Variants in CDH12 observed in about 807,000 individuals in gnomAD.
CDH12 encodes cadherin 12.
A neutral mutation model predicts 74.1 loss-of-function variants in CDH12; 41 were observed. That is an observed-to-expected ratio of 0.55 (90% CI 0.43 to 0.72). The LOEUF (loss-of-function observed/expected upper bound fraction) is 0.72. Ranked by LOEUF, CDH12 falls within the 30% of genes least tolerant of loss-of-function variation. CDH12 has a pLI of 0.00. For missense variants in CDH12, 945 were observed against 977.2 expected (o/e 0.97, Z 0.44); for synonymous variants, 399 against 355.0 (o/e 1.12, Z -1.39).
intron 6 of CDH12, among the ~76,000 whole-genome samples, chr5:21,863,678 T>C (rs1205727606): frequency 2.0e-5 from 3 of 152,180 alleles, no homozygotes; most frequent in Admixed American, 6.6e-5. Flanking sequence ...TCTGCTGATA[T>C]TGAATTTTCT....
intron 4 of CDH12, among the ~76,000 whole-genome samples, chr5:22,153,903 T>TATAC (rs1478012877): frequency 0.35 from 39,149 of 110,988 alleles, 7,214 homozygotes; most frequent in East Asian, 0.67. Context: ...TATATATATA[T>TATAC]ACACACACAT....
intron 4 of CDH12, among the ~76,000 whole-genome samples, chr5:22,099,306 G>A (rs1743995736): frequency 6.6e-6 from 1 of 152,058 alleles, no homozygotes; most frequent in Non-Finnish European, 1.5e-5. Flanking sequence ...GTATTCAGTG[G>A]AACCTTCATA....
intron 3 of CDH12, among the ~76,000 whole-genome samples, chr5:22,390,947 T>C (rs915272158): frequency 1.3e-5 from 2 of 152,206 alleles, no homozygotes; most frequent in Non-Finnish European, 2.9e-5. Flanking sequence ...TAGTTACTGA[T>C]GAGACAGACT....
At chr5:21,752,949 C>A (rs1291216507) in intron 14 of CDH12, among the ~76,000 whole-genome samples, 1 of 152,148 alleles carries the variant, frequency 6.6e-6, no homozygotes, top group Non-Finnish European at 1.5e-5. Context: ...ATTCAGGTTA[C>A]CTTCATAAAA....
intron 3 of CDH12, among the ~76,000 whole-genome samples, chr5:22,306,062 C>T (rs1461159963): frequency 6.6e-6 from 1 of 152,136 alleles, no homozygotes; most frequent in Non-Finnish European, 1.5e-5. Context: ...ATAATTCTCT[C>T]CCTGTGCCAT....
At chr5:22,456,284 T>TAATA (rs1745271967) in intron 2 of CDH12, among the ~76,000 whole-genome samples, 1 of 150,648 alleles carries the variant, frequency 6.6e-6, no homozygotes, top group South Asian at 2.1e-4. Flanking sequence ...AATCAACTCT[T>TAATA]AATAAAGTCT....
At chr5:22,546,824 C>G (rs766636248) in intron 1 of CDH12, among the ~76,000 whole-genome samples, 11 of 152,092 alleles carry the variant, frequency 7.2e-5, no homozygotes, top group Non-Finnish European at 1.6e-4. Context: ...TCTAGGGCCC[C>G]ATTTAAAATC....
chr5:21,786,360 G>C (rs1192836498), intron 10 of CDH12, among the ~76,000 whole-genome samples: 1 of 152,056 alleles, frequency 6.6e-6, no homozygotes, highest in Non-Finnish European at 1.5e-5. Context: ...CACCATGTTG[G>C]TCAGGCTAGT....
In CDH12 at chr5:22,315,119, C is replaced by CTTTTTTTTTTT. The variant is rs70959715; in HGVS notation, c.-333+90127_-333+90137dup. The stretch of plus-strand genomic sequence containing the variant: ...GGCGCCTGCCACCGTGCCTGCCTGG[C>CTTTTTTTTTTT]TTTTTTTTTTTTTTTTTTTTTTTTA... On this transcript the variant is annotated intron_variant, in intron 3 of 14. Coordinates refer to ENST00000382254, the MANE Select transcript of CDH12 (RefSeq NM_004061.5). Among the ~76,000 whole-genome samples, 68 of 22,998 alleles carry CTTTTTTTTTTT rather than the reference C, an allele frequency of 3.0e-3. 19 individuals are homozygous for CTTTTTTTTTTT. The highest frequency in any genetic ancestry group is 0.012 in the African/African-American group (55 of 4,524). 15.1% of individuals were successfully genotyped at this position (22,998 alleles called of 152,430 possible).
At chr5:21,761,480 T>C (rs537653897) in intron 12 of CDH12, among the ~76,000 whole-genome samples, 2 of 152,210 alleles carry the variant, frequency 1.3e-5, no homozygotes, top group East Asian at 3.9e-4. Context: ...ATGTGAGAGA[T>C]GACAAGGGCA....
At position 22,333,838 on chromosome 5, in the gene CDH12, A is replaced by G. The variant is rs182783707; in HGVS notation, c.-333+71419T>C. 6.3e-3 allele frequency among the ~76,000 whole-genome samples: 958 copies of G among 152,346 alleles called. 11 individuals are homozygous for G. The highest frequency in any genetic ancestry group is 9.4e-3 in the Non-Finnish European group (640 of 68,030). On this transcript the variant is annotated intron_variant, in intron 3 of 14. Coordinates refer to ENST00000382254, the MANE Select transcript of CDH12 (RefSeq NM_004061.5). ...CAAGAATGGTTCAACATACACAAAT[A>G]AATCCATGTGGTACATCATATCAAC...
intron 4 of CDH12, among the ~76,000 whole-genome samples, chr5:22,207,242 GA>G (rs1038145307): frequency 1.3e-4 from 18 of 142,214 alleles, no homozygotes; most frequent in South Asian, 9.1e-4. Flanking sequence ...AAAAAAAAAA[GA>G]AAAAAAAATT....
At chr5:22,850,202 TA>T (rs1366628013) in intron 1 of CDH12, among the ~76,000 whole-genome samples, 2 of 152,064 alleles carry the variant, frequency 1.3e-5, no homozygotes, top group Non-Finnish European at 1.5e-5. Flanking sequence ...ATGAGATGCT[TA>T]AAAACAACTT....
At chr5:22,087,133 A>C (rs954938276) in intron 4 of CDH12, among the ~76,000 whole-genome samples, 6 of 152,208 alleles carry the variant, frequency 3.9e-5, no homozygotes, top group Admixed American at 6.5e-5. Flanking sequence ...GAATATTAAA[A>C]TAATCATAGG....
intron 1 of CDH12, among the ~76,000 whole-genome samples, chr5:22,828,299 G>C (rs945358278): frequency 6.6e-6 from 1 of 152,090 alleles, no homozygotes; most frequent in Non-Finnish European, 1.5e-5. Context: ...AAAATGGAAA[G>C]ATATTGGGGA....
intron 1 of CDH12, among the ~76,000 whole-genome samples, chr5:22,564,891 G>C (rs898990404): frequency 6.6e-6 from 1 of 152,074 alleles, no homozygotes; most frequent in Admixed American, 6.6e-5. Flanking sequence ...CTCTTCTCTT[G>C]ATGAAGTTAT....
chr5:22,242,832 C>T (rs1406784586), intron 3 of CDH12, among the ~76,000 whole-genome samples: 2 of 152,142 alleles, frequency 1.3e-5, no homozygotes, highest in East Asian at 1.9e-4. Context: ...TGGCTGATTA[C>T]TAACTCTGCA....
chr5:22,352,884 C>A (rs1322271100), intron 3 of CDH12, among the ~76,000 whole-genome samples: 1 of 152,104 alleles, frequency 6.6e-6, no homozygotes, highest in Non-Finnish European at 1.5e-5. Flanking sequence ...AATCAAAATA[C>A]TAAGACTAGA....
intron 1 of CDH12, among the ~76,000 whole-genome samples, chr5:22,739,316 ACT>A (rs1744900128): frequency 1.3e-5 from 1 of 75,116 alleles, no homozygotes; most frequent in Admixed American, 1.3e-4. Context: ...TAAAAATTTT[ACT>A]TTTTTTTACT....
Sources: gnomAD v4.1 joint callset for allele counts (sites outside exome capture counted in the v4.1 genomes callset) on GRCh38, gnomAD v4.1.1 for gene constraint, MANE v1.5 for transcripts, NCBI Gene and HGNC (gene_info 2026-07-23, HGNC 2026-07-21) for gene names.